Variants in HMSD observed in about 807,000 individuals in gnomAD.
HMSD encodes the protein histocompatibility minor serpin domain containing, also known as serpin-like protein HMSD.
HMSD carries 13 observed loss-of-function variants against 10.0 expected under a neutral mutation model. The ratio of observed to expected loss-of-function variants is 1.31; its 90% CI spans 0.85 to 2.08. HMSD has a LOEUF of 2.08. HMSD is among the 30% of genes most tolerant of loss of function. The probability of loss-of-function intolerance (pLI) is 0.00; values close to 1 mark genes in which losing one functional copy is unlikely to be tolerated. For synonymous variants in HMSD, 51 were observed against 54.2 expected (o/e 0.94, Z 0.26); for missense variants, 169 against 166.3 (o/e 1.02, Z -0.09).
At chr18:63,952,288 T>A (rs9957368) in intron 1 of HMSD, among the ~76,000 whole-genome samples, 56,244 of 146,402 alleles carry the variant, frequency 0.38, 12,727 homozygotes, top group African/African-American at 0.68. Context: ...AGTATAATAA[T>A]AAAAAAAAAA....
At chr18:63,956,393 A>G (rs954992323) in intron 3 of HMSD, among the ~76,000 whole-genome samples, 21 of 152,156 alleles carry the variant, frequency 1.4e-4, no homozygotes, top group African/African-American at 5.1e-4. Flanking sequence ...AAAACCAAAC[A>G]ACACAACTCC....
At chr18:63,955,834 G>A (rs1046366746) in intron 3 of HMSD, among the ~76,000 whole-genome samples, 1 of 152,226 alleles carries the variant, frequency 6.6e-6, no homozygotes, top group Non-Finnish European at 1.5e-5. Context: ...GTGCGGTCAG[G>A]AGGACCCCTA....
intron 3 of HMSD, among the ~76,000 whole-genome samples, chr18:63,955,211 G>T (rs2050351927): frequency 6.6e-6 from 1 of 152,048 alleles, no homozygotes; most frequent in Non-Finnish European, 1.5e-5. Flanking sequence ...TAATGTTATT[G>T]TACTATGCAT....
At chr18:63,964,568 G>A (rs1001659408), downstream of HMSD, among the ~76,000 whole-genome samples, 18 of 151,994 alleles carry the variant, frequency 1.2e-4, no homozygotes, top group African/African-American at 3.9e-4. Context: ...ACCATAGACT[G>A]GGCAGTTTAA....
intron 3 of HMSD, among the ~76,000 whole-genome samples, chr18:63,956,622 C>T (rs188929607): frequency 6.6e-5 from 10 of 152,220 alleles, no homozygotes; most frequent in African/African-American, 1.9e-4. Flanking sequence ...CACTTCCATG[C>T]GGCTGGTGGG....
At chr18:63,957,409 C>G (rs1292240322) in intron 3 of HMSD, among the ~76,000 whole-genome samples, 1 of 151,820 alleles carries the variant, frequency 6.6e-6, no homozygotes, top group African/African-American at 2.4e-5. Flanking sequence ...TACATATCCT[C>G]TTACACATTT....
At chr18:63,951,758 T>C (rs1029241633) in intron 1 of HMSD, among the ~76,000 whole-genome samples, 6 of 152,198 alleles carry the variant, frequency 3.9e-5, no homozygotes, top group Admixed American at 3.9e-4. Context: ...AAAAGAAAAT[T>C]AATCATCAGC....
intron 3 of HMSD, among the ~76,000 whole-genome samples, chr18:63,967,314 A>G (rs2050414189): frequency 6.6e-6 from 1 of 152,104 alleles, no homozygotes; most frequent in Admixed American, 6.5e-5. Flanking sequence ...TTGTATTTTT[A>G]GCAGAGACGG....
intron 3 of HMSD, chr18:63,968,137 C>A (rs2144769487): frequency 1.3e-5 from 2 of 152,400 alleles, no homozygotes; most frequent in Non-Finnish European, 2.9e-5. Context: ...TTCCTCAAGG[C>A]CATGTCCTCC....
At chr18:63,950,018 T>G (rs932710098) in intron 1 of HMSD, among the ~76,000 whole-genome samples, 4 of 152,204 alleles carry the variant, frequency 2.6e-5, no homozygotes, top group Non-Finnish European at 5.9e-5. Flanking sequence ...AGATTCCCAG[T>G]AGACAAGTTG....
Position 63,960,456 on chromosome 18 carries a change from T to G in HMSD, c.*101T>G, listed in dbSNP as rs936461892. The G allele has an allele frequency of 1.5e-5, 22 of 1,441,750 alleles. No individual in the cohort carries two copies. In the African/African-American group the frequency reaches 2.6e-4, roughly 17 times the overall value. 89.3% of individuals were successfully genotyped at this position (1,441,750 alleles called of 1,614,324 possible). On this transcript the variant is annotated 3_prime_UTR_variant, in exon 4 of 4. Transcript: ENST00000408945. Reference sequence around the variant, plus strand: ...CTTTTCTCTAGCTTTAGCTTTTCCCTTATCAAGTATCTGTGATGTCTCTCT... The same window carrying G: ...CTTTTCTCTAGCTTTAGCTTTTCCCGTATCAAGTATCTGTGATGTCTCTCT...
intron 3 of HMSD, among the ~76,000 whole-genome samples, chr18:63,957,305 A>C (rs2050363775): frequency 8.7e-6 from 1 of 114,990 alleles, no homozygotes; most frequent in African/African-American, 5.9e-5. Flanking sequence ...CAAGAGAAGC[A>C]ACAAAAAAAA....
At chr18:63,964,012 T>C (rs889737511), downstream of HMSD, among the ~76,000 whole-genome samples, 4 of 152,202 alleles carry the variant, frequency 2.6e-5, no homozygotes, top group Non-Finnish European at 1.5e-5. Context: ...CTCTGGCAAC[T>C]ATATCCCTAC....
At chr18:63,949,595 G>C (rs1442950803) in intron 1 of HMSD, among the ~76,000 whole-genome samples, 195 bp downstream of exon 1, 1 of 152,202 alleles carries the variant, frequency 6.6e-6, no homozygotes, top group Non-Finnish European at 1.5e-5. Context: ...CAGGGACTTG[G>C]CTGCACTTGG....
downstream of HMSD, among the ~76,000 whole-genome samples, chr18:63,963,121 C>CTT (rs879691117): frequency 0.02 from 2,427 of 121,560 alleles, 39 homozygotes; most frequent in Non-Finnish European, 0.03. Context: ...TTCTTTCTTT[C>CTT]TTTCTTTCTT....
At chr18:63,951,269 G>T (rs554703013) in intron 1 of HMSD, among the ~76,000 whole-genome samples, 2 of 152,140 alleles carry the variant, frequency 1.3e-5, no homozygotes, top group African/African-American at 4.8e-5. Flanking sequence ...TAACGTATTT[G>T]CTGTGTTAGC....
chr18:63,967,720 G>A, intron 3 of HMSD, among the ~76,000 whole-genome samples: 1 of 152,172 alleles, frequency 6.6e-6, no homozygotes, highest in East Asian at 1.9e-4. Flanking sequence ...GAGATGTGAA[G>A]TTAGGTATGA....
At chr18:63,959,146 A>C (rs530406021) in intron 3 of HMSD, among the ~76,000 whole-genome samples, 1 of 152,274 alleles carries the variant, frequency 6.6e-6, no homozygotes, top group South Asian at 2.1e-4. Context: ...GTTAGGAATA[A>C]AGCTGTTATG....
At chr18:63,954,622 A>G (rs1442940342) in intron 3 of HMSD, 65 bp downstream of exon 3, 16 of 1,393,240 alleles carry the variant, frequency 1.1e-5, no homozygotes, top group African/African-American at 2.9e-5. Flanking sequence ...GAGAATGAAT[A>G]TGGGCTATGA....
Sources: gnomAD v4.1 joint callset for allele counts (sites outside exome capture counted in the v4.1 genomes callset) on GRCh38, gnomAD v4.1.1 for gene constraint, MANE v1.5 for transcripts, NCBI Gene and HGNC (gene_info 2026-07-23, HGNC 2026-07-21) for gene names.